CCDC171: variants seen among roughly 807,000 people sequenced by gnomAD.
CCDC171 encodes the protein coiled-coil domain containing 171, also known as coiled-coil domain-containing protein 171.
CCDC171 carries 177 observed loss-of-function variants against 168.2 expected under a neutral mutation model. The observed-to-expected ratio is 1.05, with a 90% CI of 0.93 to 1.19. CCDC171 has a LOEUF of 1.19. Among genes scored for constraint, CCDC171 ranks in the 50% most tolerant of loss-of-function variants. CCDC171 has a pLI of 0.00. For missense variants in CCDC171, 1,991 were observed against 1,539.0 expected, an observed-to-expected ratio of 1.29 and a Z score of -4.91; for synonymous variants, 687 against 540.8, an observed-to-expected ratio of 1.27 and a Z score of -3.75.
At chr9:15,837,494 T>C (rs960090051) in intron 21 of CCDC171, among the ~76,000 whole-genome samples, 1 of 152,216 alleles carries the variant, frequency 6.6e-6, no homozygotes, top group African/African-American at 2.4e-5. Flanking sequence ...TAAAATGCTA[T>C]GTTTTGCTAT....
intron 3 of CCDC171, among the ~76,000 whole-genome samples, chr9:16,001,568 T>A (rs1265542017): frequency 6.6e-6 from 1 of 152,140 alleles, no homozygotes; most frequent in African/African-American, 2.4e-5. Context: ...ATGCACTGCA[T>A]AACAACATTT....
rs1564044335 is a variant in CCDC171, at chr9:15,610,481, A to AAAAG, written c.676-12786_676-12785insAAAG. 3.6e-4 allele frequency among the ~76,000 whole-genome samples: 49 copies of AAAAG among 136,752 alleles called. 2 individuals carry two copies. The highest frequency in any genetic ancestry group is 1.4e-3 in the African/African-American group (49 of 35,850). 89.7% of individuals were successfully genotyped at this position (136,752 alleles called of 152,430 possible). ...AAAAAAAAAAAAAAAAAAAAAAAAA[A>AAAAG]CTGGGCGTGGTGGTGGGTGCCTGTA... On this transcript the variant is annotated intron_variant, in intron 6 of 25. Transcript: ENST00000380701.
At chr9:15,739,440 A>G (rs528498325) in intron 16 of CCDC171, among the ~76,000 whole-genome samples, 1 of 152,276 alleles carries the variant, frequency 6.6e-6, no homozygotes, top group East Asian at 1.9e-4. Flanking sequence ...AGTAAAGACA[A>G]AAAAGTTAGG....
chr9:15,724,822 T>C lies in CCDC171; in HGVS notation c.1538T>C (p.Leu513Ser). The part of the protein sequence containing the change: ...LADVNKELSH[L>S]HTKCADREAL... ...GATGTTAATAAAGAGTTAAGTCATT[T>C]ACACACTAAATGTGCAGACCGAGAG... Residue 513 changes from leucine (L) to serine (S), a missense_variant, in exon 14 of 26, where the codon TTA (leucine) becomes TCA (serine). Coordinates refer to ENST00000380701, the MANE Select transcript of CCDC171 (RefSeq NM_173550.4). 1 of 1,613,878 alleles carries C rather than the reference T, an allele frequency of 6.2e-7. No homozygotes were observed. Among genetic ancestry groups the C allele is most frequent in the Non-Finnish European group, 8.5e-7 (1 of 1,179,792 alleles).
chr9:15,789,572 G>C (rs1453434294), intron 21 of CCDC171, among the ~76,000 whole-genome samples: 1 of 152,114 alleles, frequency 6.6e-6, no homozygotes, highest in South Asian at 2.1e-4. Flanking sequence ...GATCAACGAA[G>C]TAACTGACAC....
At chr9:15,623,464 T>C (rs405352) in intron 7 of CCDC171, 51 bp downstream of exon 7, 353,871 of 741,810 alleles carry the variant, frequency 0.48, 76,288 homozygotes, top group East Asian at 0.68. Context: ...CTTTCACATA[T>C]GCGCGCGCGC....
chr9:15,983,840 G>A (rs1831889931), intron 3 of CCDC171, among the ~76,000 whole-genome samples: 1 of 151,296 alleles, frequency 6.6e-6, no homozygotes, highest in Non-Finnish European at 1.5e-5. Flanking sequence ...GTGTGTGTGT[G>A]TGTGTGTGTG....
chr9:15,799,124 TTCA>T (rs1486276099), intron 21 of CCDC171, among the ~76,000 whole-genome samples: 7 of 90,102 alleles, frequency 7.8e-5, no homozygotes, highest in African/African-American at 3.1e-4. Flanking sequence ...ACAATTGTCT[TTCA>T]TCATTGCCAT....
chr9:15,616,531 A>T lies in CCDC171; in HGVS notation c.676-6736A>T, dbSNP rs187227693. 8.7e-3 allele frequency among the ~76,000 whole-genome samples: 1,326 copies of T among 152,228 alleles called. 10 individuals carry two copies. Among genetic ancestry groups the T allele is most frequent in the Non-Finnish European group, 0.014 (979 of 67,992 alleles). On this transcript the variant is annotated intron_variant, in intron 6 of 25. Transcript: ENST00000380701. ...TTTTTGTTATAGACTCCATTTTGTT[A>T]TTATTTCAAATTATTTGGTTTATGG...
chr9:15,640,367 C>G (rs1293343159), intron 7 of CCDC171, among the ~76,000 whole-genome samples: 2 of 151,594 alleles, frequency 1.3e-5, no homozygotes, highest in African/African-American at 4.8e-5. Flanking sequence ...CTGTGCTGGC[C>G]ACATGGAAAG....
chr9:15,698,979 C>T (rs931160676), intron 11 of CCDC171, among the ~76,000 whole-genome samples: 7 of 152,024 alleles, frequency 4.6e-5, no homozygotes, highest in African/African-American at 1.7e-4. Flanking sequence ...ATTTTCTTTC[C>T]TTTGGATAAA....
At chr9:15,635,680 T>C (rs2046147420) in intron 7 of CCDC171, among the ~76,000 whole-genome samples, 1 of 152,234 alleles carries the variant, frequency 6.6e-6, no homozygotes, top group African/African-American at 2.4e-5. Context: ...TCCAATCAAG[T>C]TGACACTCGG....
chr9:15,792,165 A>G (rs981328848), intron 21 of CCDC171, among the ~76,000 whole-genome samples: 7 of 152,358 alleles, frequency 4.6e-5, no homozygotes, highest in African/African-American at 1.7e-4. Context: ...CACAAGAACT[A>G]CGTGATGAAT....
At position 15,586,089 on chromosome 9, in the gene CCDC171, T is replaced by C. The variant is rs143494445; in HGVS notation, c.353-5277T>C. Among the ~76,000 whole-genome samples the C allele has an allele frequency of 5.2e-3, 791 of 152,350 alleles. 1 individual carries two copies. The highest frequency in any genetic ancestry group is 8.6e-3 in the Non-Finnish European group (586 of 68,030). Reference sequence around the variant, plus strand: ...CTATATTACATTCTAATTAATGATATACATGCTGAACTATTTAGGAGTGAA... The same window carrying C: ...CTATATTACATTCTAATTAATGATACACATGCTGAACTATTTAGGAGTGAA... On this transcript the variant is annotated intron_variant, in intron 4 of 25. Coordinates refer to ENST00000380701, the MANE Select transcript of CCDC171 (RefSeq NM_173550.4).
At chr9:15,605,837 A>G (rs1192976880) in intron 6 of CCDC171, among the ~76,000 whole-genome samples, 4 of 152,262 alleles carry the variant, frequency 2.6e-5, no homozygotes, top group Non-Finnish European at 5.9e-5. Context: ...CACCTCAATA[A>G]TATTTTGCCT....
intron 2 of CCDC171, among the ~76,000 whole-genome samples, chr9:15,565,155 C>T (rs1292452392): frequency 2.1e-5 from 3 of 141,440 alleles, no homozygotes; most frequent in Admixed American, 7.5e-5. Flanking sequence ...GTGGCATGAT[C>T]TTGGTTCCCT....
chr9:15,897,217 T>A (rs1396775720), intron 24 of CCDC171, among the ~76,000 whole-genome samples: 1 of 152,088 alleles, frequency 6.6e-6, no homozygotes, highest in African/African-American at 2.4e-5. Context: ...GTCAGGCTGC[T>A]GAGAGATACA....
At chr9:15,645,404 T>C (rs1247926583) in intron 7 of CCDC171, among the ~76,000 whole-genome samples, 2 of 152,040 alleles carry the variant, frequency 1.3e-5, no homozygotes, top group South Asian at 2.1e-4. Flanking sequence ...CTTTGAGGAG[T>C]TGAGAGAAGA....
chr9:15,744,512 G>A lies in CCDC171; in HGVS notation c.2289G>A (p.Glu763=). The A allele has an allele frequency of 6.2e-7, 1 of 1,614,198 alleles. No individual in the cohort carries two copies. Among genetic ancestry groups the A allele is most frequent in the African/African-American group, 1.3e-5 (1 of 75,052 alleles). ...DFLQEQVNTF[E]LFKLEIRTLA... ...TCCAGGAGCAGGTCAACACCTTTGA[G>A]TTGTTCAAACTGGAAATTAGAACTC... The change falls in exon 17 of 26, where the codon GAG becomes GAA. Residue 763 remains glutamate, a synonymous_variant. Coordinates refer to ENST00000380701, the MANE Select transcript of CCDC171 (RefSeq NM_173550.4).
Sources: allele counts gnomAD v4.1 joint callset (sites outside exome capture counted in the v4.1 genomes callset), GRCh38; gene constraint gnomAD v4.1.1; transcripts MANE v1.5; gene names NCBI Gene and HGNC (gene_info 2026-07-23, HGNC 2026-07-21).